Variants in ATP2C2 observed in about 807,000 individuals in gnomAD.
ATP2C2 encodes ATPase secretory pathway Ca2+ transporting 2.
A neutral mutation model predicts 110.8 loss-of-function variants in ATP2C2; 171 were observed. The ratio of observed to expected loss-of-function variants is 1.54; its 90% CI spans 1.36 to 1.75. The LOEUF is 1.75. ATP2C2 is among the 40% of genes most tolerant of loss of function. ATP2C2 has a pLI of 0.00. For synonymous variants in ATP2C2, 804 were observed against 508.4 expected, an observed-to-expected ratio of 1.58 and a Z score of -7.82; for missense variants, 1,963 against 1,235.0, an observed-to-expected ratio of 1.59 and a Z score of -8.84.
chr16:84,413,499 C>T (rs1197221897), intron 6 of ATP2C2, among the ~76,000 whole-genome samples: 1 of 152,192 alleles, frequency 6.6e-6, no homozygotes, highest in Non-Finnish European at 1.5e-5. Context: ...GTCGGATGAA[C>T]AGTGCTGTCA....
intron 1 of ATP2C2, among the ~76,000 whole-genome samples, chr16:84,395,503 G>A (rs1190783841): frequency 6.6e-6 from 1 of 150,450 alleles, no homozygotes; most frequent in Non-Finnish European, 1.5e-5. Flanking sequence ...CTGTTGCCCA[G>A]GCTGGAGTGC....
rs538789181 is a variant in ATP2C2, at chr16:84,410,660, G to A, written c.454-44G>A. On this transcript the variant is annotated intron_variant, in intron 5 of 26. Coordinates refer to ENST00000262429, the MANE Select transcript of ATP2C2 (RefSeq NM_014861.4). Reference sequence around the variant, plus strand: ...AGCTGGGCGGGACAGGAGCTTCATGGAGTCCCCACCTTTAAACAGCACATC... The same window carrying A: ...AGCTGGGCGGGACAGGAGCTTCATGAAGTCCCCACCTTTAAACAGCACATC... 13 of 1,613,674 alleles carry A rather than the reference G, an allele frequency of 8.1e-6. No individual in the cohort carries two copies. In the East Asian group the frequency reaches 2.0e-4, roughly 25 times the overall value.
intron 15 of ATP2C2, among the ~76,000 whole-genome samples, chr16:84,444,083 C>A (rs1723442849): frequency 6.8e-6 from 1 of 146,410 alleles, no homozygotes; most frequent in Non-Finnish European, 1.5e-5. Context: ...AGGAGGATCC[C>A]TTGAGCCCAG....
At chr16:84,398,395 G>C in intron 1 of ATP2C2, 104 bp from the exon 2 acceptor site, 1 of 580,226 alleles carries the variant, frequency 1.7e-6, no homozygotes, top group Non-Finnish European at 2.6e-6. Flanking sequence ...GACAGAGTGA[G>C]ACTCCATCTC....
chr16:84,450,360 C>A (rs529175124), intron 17 of ATP2C2, among the ~76,000 whole-genome samples: 1 of 152,134 alleles, frequency 6.6e-6, no homozygotes, highest in Non-Finnish European at 1.5e-5. Flanking sequence ...CTTAGAGAGG[C>A]CCCCAACCTG....
In ATP2C2 at chr16:84,455,044, C is replaced by T. The variant is rs1334406985; in HGVS notation, c.2147+60C>T. On this transcript the variant is annotated intron_variant, in intron 21 of 26. Transcript: ENST00000262429. ...AAATGCCTGGGGTCACCAGCTTCTC[C>T]CTGGAACCTGCTACTGTGGAGATAG... The T allele has an allele frequency of 4.5e-6, 7 of 1,568,958 alleles. No individual in the cohort carries two copies. The South Asian group carries it at 4.5e-5, about 10-fold the overall frequency.
At chr16:84,404,138 G>A (rs572007918) in intron 2 of ATP2C2, among the ~76,000 whole-genome samples, 11 of 152,294 alleles carry the variant, frequency 7.2e-5, no homozygotes, top group Admixed American at 2.6e-4. Context: ...ATATCCCCAC[G>A]TTCAGGTACG....
chr16:84,423,622 G>A (rs1907552106), intron 10 of ATP2C2, among the ~76,000 whole-genome samples: 1 of 152,296 alleles, frequency 6.6e-6, no homozygotes, highest in South Asian at 2.1e-4. Flanking sequence ...CTTCCTCTGG[G>A]TCCTTGGAGG....
At position 84,453,198 on chromosome 16, in the gene ATP2C2, G is replaced by A; in HGVS notation, c.1892G>A (p.Ser631Asn). Reference sequence around the variant, plus strand: ...GCCATGTCCGGGGAGGAGGTGGACAGCGTGGAGAAGGGCGAGCTGGCCGAC... The same window carrying A: ...GCCATGTCCGGGGAGGAGGTGGACAACGTGGAGAAGGGCGAGCTGGCCGAC... The part of the protein sequence containing the change: ...LQAMSGEEVD[S>N]VEKGELADRV... The change falls in exon 19 of 27, where the codon AGC becomes AAC. Residue 631 changes from serine to asparagine, a missense_variant. Physicochemically the swap from Ser to Asn is conservative, Grantham distance 46. Transcript: ENST00000262429. 6.2e-7 allele frequency: 1 copy of A among 1,613,866 alleles called. No homozygotes were observed. The highest frequency in any genetic ancestry group is 8.5e-7 in the Non-Finnish European group (1 of 1,179,778).
intron 16 of ATP2C2, among the ~76,000 whole-genome samples, chr16:84,446,862 C>G (rs1028711339): frequency 6.6e-6 from 1 of 152,156 alleles, no homozygotes; most frequent in Non-Finnish European, 1.5e-5. Context: ...TGCCAGTCCT[C>G]TCTTTGCAGC....
rs180846146 is a variant in ATP2C2 at position 84,463,775 on chromosome 16, G to A, written c.*43G>A. ...CACCTTCCCTAATCATCTCGATCTG[G>A]TTGTGACTGTGGCCCCTGCCGTGTC... On this transcript the variant is annotated 3_prime_UTR_variant, in exon 27 of 27. Coordinates refer to ENST00000262429, the MANE Select transcript of ATP2C2 (RefSeq NM_014861.4). 1.3e-6 allele frequency: 2 copies of A among 1,532,212 alleles called. No individual in the cohort carries two copies. Among genetic ancestry groups the A allele is most frequent in the East Asian group, 2.3e-5 (1 of 44,372 alleles). The allele number at this position is 1,532,212 out of a possible 1,614,324, so 94.9% of individuals were successfully genotyped here.
Position 84,420,998 on chromosome 16 carries a change from G to A in ATP2C2, c.625-1392G>A, listed in dbSNP as rs1333400627. Among the ~76,000 whole-genome samples, 5 of 152,182 alleles carry A rather than the reference G, an allele frequency of 3.3e-5. No individual in the cohort carries two copies. In the East Asian group the frequency reaches 7.7e-4, roughly 23 times the overall value. On this transcript the variant is annotated intron_variant, in intron 7 of 26. Coordinates refer to ENST00000262429, the MANE Select transcript of ATP2C2 (RefSeq NM_014861.4). Reference sequence around the variant, plus strand: ...TTCTTGTATTTTTAGTAGAGACAGGGTTTCACTGTGTTGGCCAGGCTGGTC... The same window carrying A: ...TTCTTGTATTTTTAGTAGAGACAGGATTTCACTGTGTTGGCCAGGCTGGTC...
intron 4 of ATP2C2, among the ~76,000 whole-genome samples, chr16:84,409,963 A>T (rs1472584516): frequency 6.6e-6 from 1 of 152,166 alleles, no homozygotes; most frequent in Admixed American, 6.5e-5. Context: ...TAATCCCAGC[A>T]CTTTGGGAGG....
intron 1 of ATP2C2, among the ~76,000 whole-genome samples, chr16:84,388,848 T>G (rs1014679833): frequency 1.3e-5 from 2 of 152,240 alleles, no homozygotes; most frequent in East Asian, 3.8e-4. Context: ...CTTGGCTCAC[T>G]GCTACCTCCG....
chr16:84,386,922 GT>G (rs1476078426), intron 1 of ATP2C2, among the ~76,000 whole-genome samples: 17 of 69,098 alleles, frequency 2.5e-4, no homozygotes, highest in South Asian at 1.3e-3. Flanking sequence ...TTGTTTGTTT[GT>G]TTTGGTCCCT....
intron 20 of ATP2C2, 104 bp downstream of exon 20, chr16:84,453,475 C>T: frequency 2.1e-6 from 3 of 1,455,830 alleles, no homozygotes; most frequent in Non-Finnish European, 2.9e-6. Flanking sequence ...CAGGGCCCGA[C>T]CGTGGCTTCC....
At chr16:84,402,100 T>A (rs897175264) in intron 2 of ATP2C2, among the ~76,000 whole-genome samples, 1 of 152,196 alleles carries the variant, frequency 6.6e-6, no homozygotes, top group African/African-American at 2.4e-5. Flanking sequence ...ATGGGATTAC[T>A]TAATTGATTT....
rs760187436 is a variant in ATP2C2, at chr16:84,462,142, G to A, written c.2722+13G>A. 4.4e-6 allele frequency: 7 copies of A among 1,608,798 alleles called. No homozygotes were observed. Among genetic ancestry groups the A allele is most frequent in the East Asian group, 2.2e-5 (1 of 44,732 alleles). On this transcript the variant is annotated intron_variant, in intron 26 of 26. Transcript: ENST00000262429. ...CTGGGAGCGCTTGGTGAGTGGTGGG[G>A]ACGGGAACGACAGGTGACCTCGACC...
chr16:84,461,616 C>T, intron 24 of ATP2C2, 98 bp from the exon 25 acceptor site: 4 of 1,089,556 alleles, frequency 3.7e-6, no homozygotes, highest in South Asian at 2.6e-5. Context: ...TGGCTCCCAG[C>T]CATGCCCCAG....
Sources: gnomAD v4.1 joint callset for allele counts (sites outside exome capture counted in the v4.1 genomes callset) on GRCh38, gnomAD v4.1.1 for gene constraint, MANE v1.5 for transcripts, NCBI Gene and HGNC (gene_info 2026-07-23, HGNC 2026-07-21) for gene names.